GNRH1: variants seen among roughly 807,000 people sequenced by gnomAD.
GNRH1 encodes gonadotropin releasing hormone 1.
In GNRH1, 9 loss-of-function variants were observed where a neutral mutation model predicts 13.6. The observed-to-expected ratio is 0.66, with a 90% CI of 0.40 to 1.15. The LOEUF (loss-of-function observed/expected upper bound fraction) is 1.15, where lower values mean the gene tolerates loss of function less well. Ranked by LOEUF, GNRH1 falls within the 50% of genes most tolerant of loss-of-function variation. GNRH1 has a pLI of 0.01. For missense variants in GNRH1, 116 were observed against 110.8 expected, an observed-to-expected ratio of 1.05 and a Z score of -0.21; for synonymous variants, 44 against 40.1, an observed-to-expected ratio of 1.10 and a Z score of -0.37.
intron 3 of GNRH1, among the ~76,000 whole-genome samples, chr8:25,420,231 T>C (rs1208499391): frequency 1.3e-5 from 2 of 151,938 alleles, no homozygotes; most frequent in African/African-American, 4.8e-5. Flanking sequence ...CTGGCCAACA[T>C]GGTGAAACCC....
At chr8:25,419,842 G>GT (rs1364645662) in intron 3 of GNRH1, among the ~76,000 whole-genome samples, 1 of 151,996 alleles carries the variant, frequency 6.6e-6, no homozygotes, top group Non-Finnish European at 1.5e-5. Flanking sequence ...GGCTGGTCTT[G>GT]AACTCCTGGC....
intron 3 of GNRH1, among the ~76,000 whole-genome samples, chr8:25,420,030 A>G (rs2117365927): frequency 6.6e-6 from 1 of 152,358 alleles, no homozygotes; most frequent in Non-Finnish European, 1.5e-5. Flanking sequence ...CTTTGCTATT[A>G]AACCAGCCTT....
At position 25,423,209 on chromosome 8, in the gene GNRH1, A is replaced by C. The variant is rs143378400; in HGVS notation, c.122T>G (p.Leu41Trp). 6.2e-7 allele frequency: 1 copy of C among 1,612,476 alleles called. No homozygotes were observed. The highest frequency in any genetic ancestry group is 2.2e-5 in the East Asian group (1 of 44,868). ...ACTTACCTCTTGGAAAGAATCAATC[A>C]AATTTTCGGCATCTCTCTTTCCTCC... is the stretch of plus-strand genomic sequence containing the variant. ...RPGGKRDAENLIDSFQEIVKE... is the reference protein window; with the variant it reads ...RPGGKRDAENWIDSFQEIVKE... The change falls in exon 2 of 4, where the codon TTG becomes TGG. Residue 41 changes from leucine (L) to tryptophan (W), a missense_variant. By Grantham distance (61) the Leu-to-Trp change is moderately conservative (BLOSUM62 -2). Coordinates refer to ENST00000421054, the MANE Select transcript of GNRH1 (RefSeq NM_001083111.2).
chr8:25,423,046 T>G, intron 2 of GNRH1, 144 bp downstream of exon 2: 1 of 753,232 alleles, frequency 1.3e-6, no homozygotes, highest in Admixed American at 1.8e-5. Context: ...GGAATGGGAC[T>G]TCTACTTTGT....
At chr8:25,423,086 G>T in intron 2 of GNRH1, 104 bp downstream of exon 2, 1 of 899,032 alleles carries the variant, frequency 1.1e-6, no homozygotes, top group Admixed American at 1.7e-5. Flanking sequence ...GAGCATCTAG[G>T]GTACAACATC....
At chr8:25,422,663 A>T (rs1801788557) in intron 2 of GNRH1, among the ~76,000 whole-genome samples, 1 of 152,188 alleles carries the variant, frequency 6.6e-6, no homozygotes. Flanking sequence ...TTATCTTATC[A>T]TCTTGAGTTT....
chr8:25,421,092 G>C (rs1312098350), intron 3 of GNRH1, among the ~76,000 whole-genome samples: 1 of 151,482 alleles, frequency 6.6e-6, no homozygotes, highest in African/African-American at 2.4e-5. Flanking sequence ...TCATTCCAAA[G>C]AAGAGAAAAA....
In GNRH1 at chr8:25,421,590, C is replaced by G. The variant is rs1801773385; in HGVS notation, c.220G>C (p.Asp74His). 1.3e-6 allele frequency: 2 copies of G among 1,591,426 alleles called. No individual in the cohort carries two copies. Among genetic ancestry groups the G allele is most frequent in the Non-Finnish European group, 1.7e-6 (2 of 1,161,096 alleles). The change falls in exon 3 of 4, where the codon GAC becomes CAC. Residue 74 changes from aspartate (D) to histidine (H), a missense_variant. By Grantham distance (81) the Asp-to-His change is moderately conservative. Transcript: ENST00000421054. ...TAACTTACCAGAGCTCCTTTCAGGT[C>G]TCGGAGGGGAGAACGTGGCTGGTGC... ...TTHQPRSPLR[D>H]LKGALESLIE...
chr8:25,420,378 C>CCCTCCAGCCTGGCAACAGAGCGAG, intron 3 of GNRH1, among the ~76,000 whole-genome samples: 1 of 50,088 alleles, frequency 2.0e-5, no homozygotes. Context: ...TGCGCCACTG[C>CCCTCCAGCCTGGCAACAGAGCGAG]ACTCCAAAAA....
At chr8:25,422,502 C>T (rs922917275) in intron 2 of GNRH1, among the ~76,000 whole-genome samples, 4 of 152,130 alleles carry the variant, frequency 2.6e-5, no homozygotes, top group Non-Finnish European at 5.9e-5. Flanking sequence ...GAGCTGTGAT[C>T]GTGCCACTAA....
At chr8:25,423,469 G>A (rs993036921) in intron 1 of GNRH1, 138 bp from the exon 2 acceptor site, 7 of 750,798 alleles carry the variant, frequency 9.3e-6, no homozygotes, top group African/African-American at 5.2e-5. Context: ...TTTACATACA[G>A]ACACTGAAAC....
Position 25,423,341 on chromosome 8 carries a change from A to G in GNRH1, c.-1-10T>C, listed in dbSNP as rs750060756. The G allele has an allele frequency of 3.7e-6, 6 of 1,610,712 alleles. No individual in the cohort carries two copies. The highest frequency in any genetic ancestry group is 3.3e-5 in the Admixed American group (2 of 59,984). On this transcript the variant is annotated splice_polypyrimidine_tract_variant and intron_variant, in intron 1 of 3. Coordinates refer to ENST00000421054, the MANE Select transcript of GNRH1 (RefSeq NM_001083111.2). Reference sequence around the variant, plus strand: ...TTGAATTGGCTTCATTCTAAGGCACATGAATGCACAATCAAATTAGATCCA... The same window carrying G: ...TTGAATTGGCTTCATTCTAAGGCACGTGAATGCACAATCAAATTAGATCCA...
chr8:25,419,457 T>C lies in GNRH1; in HGVS notation c.241A>G (p.Ser81Gly). ...TGCCCAGTTTCCTCTTCAATCAGACTTTCCTGAAAAATATATAACAAATAT... is the reference window on the plus strand; with the variant it reads ...TGCCCAGTTTCCTCTTCAATCAGACCTTCCTGAAAAATATATAACAAATAT... ...PLRDLKGALE[S>G]LIEEETGQKK... Residue 81 changes from serine to glycine, a missense_variant, in exon 4 of 4, where the codon AGT (serine) becomes GGT (glycine). By Grantham distance (56) the Ser-to-Gly change is moderately conservative (BLOSUM62 0). Transcript: ENST00000421054. 1 of 1,435,136 alleles carries C rather than the reference T, an allele frequency of 7.0e-7. No homozygotes were observed. Among genetic ancestry groups the C allele is most frequent in the Non-Finnish European group, 9.8e-7 (1 of 1,016,818 alleles). 88.9% of individuals were successfully genotyped at this position (1,435,136 alleles called of 1,614,324 possible).
intron 3 of GNRH1, among the ~76,000 whole-genome samples, chr8:25,420,713 G>A (rs1439853711): frequency 6.6e-6 from 1 of 152,020 alleles, no homozygotes; most frequent in Non-Finnish European, 1.5e-5. Flanking sequence ...CATAGACCCT[G>A]TCTCTACAAA....
intron 2 of GNRH1, 131 bp from the exon 3 acceptor site, chr8:25,421,799 G>A: frequency 3.0e-6 from 2 of 656,890 alleles, no homozygotes; most frequent in Non-Finnish European, 5.6e-6. Context: ...GAAAGTTGCA[G>A]GATTAGCATA....
chr8:25,422,250 T>A (rs1452530655), intron 2 of GNRH1, among the ~76,000 whole-genome samples: 1 of 152,182 alleles, frequency 6.6e-6, no homozygotes, highest in East Asian at 1.9e-4. Context: ...CTTCTTTCCT[T>A]ACATGACCCT....
At position 25,423,341 on chromosome 8, in the gene GNRH1, A is replaced by T. The variant is rs750060756; in HGVS notation, c.-1-10T>A. 2 of 1,610,594 alleles carry T rather than the reference A, an allele frequency of 1.2e-6. No homozygotes were observed. The highest frequency in any genetic ancestry group is 8.5e-7 in the Non-Finnish European group (1 of 1,176,956). ...TTGAATTGGCTTCATTCTAAGGCAC[A>T]TGAATGCACAATCAAATTAGATCCA... On this transcript the variant is annotated splice_polypyrimidine_tract_variant and intron_variant, in intron 1 of 3. Coordinates refer to ENST00000421054, the MANE Select transcript of GNRH1 (RefSeq NM_001083111.2).
At chr8:25,422,444 C>T (rs538373323) in intron 2 of GNRH1, among the ~76,000 whole-genome samples, 156 of 152,068 alleles carry the variant, frequency 1.0e-3, no homozygotes, top group South Asian at 4.4e-3. Flanking sequence ...GCTATGCAGA[C>T]GGCTGAGGTG....
At position 25,423,289 on chromosome 8, in the gene GNRH1, C is replaced by T; in HGVS notation, c.42G>A (p.Leu14=). ...IQKLLAGLIL[L]TWCVEGCSSQ... The stretch of plus-strand genomic sequence containing the variant: ...TGGAGCAGCCTTCCACGCACCAAGT[C>T]AGTAGAATAAGGCCAGCTAGGAGTT... The change falls in exon 2 of 4, where the codon CTG becomes CTA. Residue 14 remains leucine (L), a synonymous_variant. Coordinates refer to ENST00000421054, the MANE Select transcript of GNRH1 (RefSeq NM_001083111.2). The T allele has an allele frequency of 6.2e-7, 1 of 1,611,958 alleles. No homozygotes were observed. The highest frequency in any genetic ancestry group is 8.5e-7 in the Non-Finnish European group (1 of 1,178,072).
Sources: allele counts gnomAD v4.1 joint callset (sites outside exome capture counted in the v4.1 genomes callset), GRCh38; gene constraint gnomAD v4.1.1; transcripts MANE v1.5; gene names NCBI Gene and HGNC (gene_info 2026-07-23, HGNC 2026-07-21).